ASAP1: variants seen among roughly 807,000 people sequenced by gnomAD.
ASAP1 encodes the protein arf-GAP with SH3 domain, ANK repeat and PH domain-containing protein 1.
ASAP1 carries 43 observed loss-of-function variants against 145.2 expected under a neutral mutation model. The ratio of observed to expected loss-of-function variants is 0.30; its 90% CI spans 0.23 to 0.38. ASAP1 has a LOEUF of 0.38. Ranked by LOEUF, ASAP1 falls within the 10% of genes least tolerant of loss-of-function variation. The probability of loss-of-function intolerance (pLI) is 1.00; values close to 1 mark genes in which losing one functional copy is unlikely to be tolerated. For missense variants in ASAP1, 1,018 were observed against 1,355.3 expected, an observed-to-expected ratio of 0.75 and a Z score of 3.91; for synonymous variants, 546 against 515.5, an observed-to-expected ratio of 1.06 and a Z score of -0.80.
intron 13 of ASAP1, among the ~76,000 whole-genome samples, chr8:130,151,821 G>GT (rs2097646998): frequency 6.6e-6 from 1 of 152,218 alleles, no homozygotes; most frequent in African/African-American, 2.4e-5. Flanking sequence ...AAGATGATGT[G>GT]TTCTGCAGGA....
At chr8:130,137,202 G>A (rs550480986) in intron 13 of ASAP1, among the ~76,000 whole-genome samples, 164 bp from the exon 14 acceptor site, 1 of 152,342 alleles carries the variant, frequency 6.6e-6, no homozygotes, top group South Asian at 2.1e-4. Flanking sequence ...TTCCAAGTTT[G>A]CTGCAAGAAG....
At chr8:130,232,692 A>C (rs1013879319) in intron 4 of ASAP1, among the ~76,000 whole-genome samples, 9 of 152,164 alleles carry the variant, frequency 5.9e-5, no homozygotes, top group Admixed American at 5.9e-4. Context: ...TTATGTGTAA[A>C]AATAATACAT....
At chr8:130,374,042 A>G (rs1827360280) in intron 2 of ASAP1, among the ~76,000 whole-genome samples, 1 of 149,064 alleles carries the variant, frequency 6.7e-6, no homozygotes, top group Admixed American at 6.7e-5. Context: ...TTTAAAAAAA[A>G]AAAAAAAAAA....
At chr8:130,384,016 G>A (rs778419621) in intron 2 of ASAP1, among the ~76,000 whole-genome samples, 7 of 152,166 alleles carry the variant, frequency 4.6e-5, no homozygotes, top group Non-Finnish European at 8.8e-5. Context: ...TGTAACGCAG[G>A]TCACACTCAC....
At chr8:130,246,212 A>T (rs1376775542) in intron 3 of ASAP1, among the ~76,000 whole-genome samples, 1 of 152,088 alleles carries the variant, frequency 6.6e-6, no homozygotes, top group Non-Finnish European at 1.5e-5. Context: ...ACTCCGAGAG[A>T]GACTAGATGA....
intron 9 of ASAP1, among the ~76,000 whole-genome samples, chr8:130,172,785 CG>C (rs1813676249): frequency 6.6e-6 from 1 of 152,102 alleles, no homozygotes; most frequent in Non-Finnish European, 1.5e-5. Flanking sequence ...GGGAGAAAGA[CG>C]GAACTGTTTT....
chr8:130,072,825 G>GTGTGTGTGTGTGTGTGTGTGCGCGCA, intron 27 of ASAP1, among the ~76,000 whole-genome samples: 1 of 54,098 alleles, frequency 1.8e-5, no homozygotes, highest in African/African-American at 9.1e-5. Flanking sequence ...GTGTGTGTGT[G>GTGTGTGTGTGTGTGTGTGTGCGCGCA]CGCGCGGGGG....
At chr8:130,411,503 C>T (rs1300671592) in intron 1 of ASAP1, among the ~76,000 whole-genome samples, 1 of 152,186 alleles carries the variant, frequency 6.6e-6, no homozygotes, top group African/African-American at 2.4e-5. Context: ...TCTTCTCTGT[C>T]TCCCTTCCTC....
At chr8:130,139,483 T>C (rs1292574160) in intron 13 of ASAP1, among the ~76,000 whole-genome samples, 1 of 152,136 alleles carries the variant, frequency 6.6e-6, no homozygotes, top group African/African-American at 2.4e-5. Context: ...CCCAGCACTT[T>C]GGGAGGCTGA....
intron 2 of ASAP1, among the ~76,000 whole-genome samples, chr8:130,362,851 CTAAAA>C (rs145717727): frequency 6.6e-6 from 1 of 152,092 alleles, no homozygotes; most frequent in African/African-American, 2.4e-5. Context: ...GACCAACTCA[CTAAAA>C]TAAAATAAAA....
chr8:130,096,567 GC>G (rs2097518270), intron 24 of ASAP1, among the ~76,000 whole-genome samples: 1 of 152,148 alleles, frequency 6.6e-6, no homozygotes, highest in Admixed American at 6.5e-5. Flanking sequence ...CATGGGTCTA[GC>G]CTTCCAAAGC....
chr8:130,343,130 C>T (rs1825491758), intron 3 of ASAP1, among the ~76,000 whole-genome samples: 1 of 152,188 alleles, frequency 6.6e-6, no homozygotes, highest in Non-Finnish European at 1.5e-5. Context: ...CATGTCTGGT[C>T]TTTAACCATT....
chr8:130,126,340 T>A (rs889112193), intron 16 of ASAP1, among the ~76,000 whole-genome samples: 1 of 152,192 alleles, frequency 6.6e-6, no homozygotes, highest in Admixed American at 6.5e-5. Flanking sequence ...AGAGACCCTA[T>A]GCAACACCTC....
intron 25 of ASAP1, among the ~76,000 whole-genome samples, chr8:130,084,919 T>C (rs1224297024): frequency 6.6e-6 from 1 of 152,232 alleles, no homozygotes; most frequent in Non-Finnish European, 1.5e-5. Context: ...ATTTTTGGTA[T>C]AGTTTTTCAT....
chr8:130,419,561 G>A (rs1227331097), intron 1 of ASAP1, among the ~76,000 whole-genome samples: 3 of 152,140 alleles, frequency 2.0e-5, no homozygotes, highest in African/African-American at 4.8e-5. Context: ...AGGAAGCTGC[G>A]CAGCCACTGT....
chr8:130,099,012 CTTTTTT>C (rs61047760), intron 24 of ASAP1, among the ~76,000 whole-genome samples: 3 of 116,086 alleles, frequency 2.6e-5, no homozygotes, highest in Non-Finnish European at 5.2e-5. Context: ...CTAATATAAG[CTTTTTT>C]TTTTTTTTTT....
chr8:130,374,789 G>C (rs1245720966), intron 2 of ASAP1, among the ~76,000 whole-genome samples: 1 of 152,138 alleles, frequency 6.6e-6, no homozygotes, highest in Non-Finnish European at 1.5e-5. Context: ...AAAAGGTCAG[G>C]AGCCCAGTGC....
intron 11 of ASAP1, among the ~76,000 whole-genome samples, chr8:130,165,381 A>C (rs2097677933): frequency 6.6e-6 from 1 of 152,194 alleles, no homozygotes. Context: ...ATATTCTCCC[A>C]AGACTGAAAT....
intron 5 of ASAP1, among the ~76,000 whole-genome samples, chr8:130,211,728 T>C (rs1816594395): frequency 6.6e-6 from 1 of 152,092 alleles, no homozygotes; most frequent in African/African-American, 2.4e-5. Flanking sequence ...AAAATGACAT[T>C]TTTTAGTATT....
Sources: gnomAD v4.1 joint callset for allele counts (sites outside exome capture counted in the v4.1 genomes callset) on GRCh38, gnomAD v4.1.1 for gene constraint, MANE v1.5 for transcripts, NCBI Gene and HGNC (gene_info 2026-07-23, HGNC 2026-07-21) for gene names.